The following ITGA8 variants were observed in gnomAD, a reference collection of about 807,000 sequenced individuals.
The protein encoded by ITGA8 is integrin subunit alpha 8, also known as integrin alpha-8.
In ITGA8, 91 loss-of-function variants were observed where a neutral mutation model predicts 142.3. That is an observed-to-expected ratio of 0.64 (90% CI 0.54 to 0.76). The LOEUF (loss-of-function observed/expected upper bound fraction) is 0.76, where lower values mean the gene tolerates loss of function less well. ITGA8 is among the 30% of genes least tolerant of loss of function. The probability of loss-of-function intolerance (pLI) is 0.00; values close to 1 mark genes in which losing one functional copy is unlikely to be tolerated. For synonymous variants in ITGA8, 505 were observed against 485.2 expected, an observed-to-expected ratio of 1.04 and a Z score of -0.54; for missense variants, 1,406 against 1,327.7, an observed-to-expected ratio of 1.06 and a Z score of -0.92.
At chr10:15,535,973 C>G (rs772949602) in intron 27 of ITGA8, among the ~76,000 whole-genome samples, 2 of 151,948 alleles carry the variant, frequency 1.3e-5, no homozygotes, top group Non-Finnish European at 2.9e-5. Context: ...TCCGCGCTGC[C>G]TTAAGAGCTG....
At chr10:15,703,961 C>G (rs1835212261) in intron 2 of ITGA8, among the ~76,000 whole-genome samples, 1 of 152,198 alleles carries the variant, frequency 6.6e-6, no homozygotes, top group Non-Finnish European at 1.5e-5. Context: ...CTGCCAGGCA[C>G]TACTATCTCA....
At chr10:15,683,882 C>G in intron 4 of ITGA8, 122 bp downstream of exon 4, 1 of 1,111,398 alleles carries the variant, frequency 9.0e-7, no homozygotes, top group Non-Finnish European at 1.3e-6. Flanking sequence ...TTTACCTACC[C>G]CCGAAGCTTT....
chr10:15,700,073 G>T (rs1320587982), intron 2 of ITGA8, among the ~76,000 whole-genome samples: 1 of 152,142 alleles, frequency 6.6e-6, no homozygotes, highest in Non-Finnish European at 1.5e-5. Flanking sequence ...AATGTGGCAA[G>T]TATCATCTTC....
At chr10:15,595,859 A>C (rs1332105626) in intron 21 of ITGA8, among the ~76,000 whole-genome samples, 1 of 152,154 alleles carries the variant, frequency 6.6e-6, no homozygotes, top group South Asian at 2.1e-4. Flanking sequence ...TGAGGCCAGG[A>C]GTTCGAGACC....
At chr10:15,611,875 A>ATTATCTAGT (rs1211682391) in intron 15 of ITGA8, among the ~76,000 whole-genome samples, 1 of 152,134 alleles carries the variant, frequency 6.6e-6, no homozygotes, top group East Asian at 1.9e-4. Context: ...CTTAGAATCA[A>ATTATCTAGT]TTATCTAGTT....
chr10:15,607,622 G>T (rs759033345), intron 17 of ITGA8, 55 bp downstream of exon 17: 25 of 1,526,886 alleles, frequency 1.6e-5, no homozygotes, highest in Non-Finnish European at 2.3e-5. Flanking sequence ...GAGAAAAATG[G>T]TTGGAATTTG....
intron 25 of ITGA8, among the ~76,000 whole-genome samples, chr10:15,559,621 G>T (rs931056194): frequency 1.3e-5 from 2 of 152,150 alleles, no homozygotes; most frequent in Admixed American, 1.3e-4. Context: ...AAGTAAGGAA[G>T]GGTGAAGACC....
intron 11 of ITGA8, among the ~76,000 whole-genome samples, chr10:15,649,397 G>A (rs926631987): frequency 3.3e-5 from 5 of 151,966 alleles, no homozygotes; most frequent in African/African-American, 7.2e-5. Flanking sequence ...TTGGGAGGCC[G>A]AGGTGGTCAG....
intron 26 of ITGA8, among the ~76,000 whole-genome samples, chr10:15,553,222 A>C (rs1588640266): frequency 6.6e-6 from 1 of 151,514 alleles, no homozygotes; most frequent in Non-Finnish European, 1.5e-5. Flanking sequence ...GCACCACCGC[A>C]CTCCAGCCTG....
chr10:15,704,648 A>G (rs550258008), intron 2 of ITGA8, among the ~76,000 whole-genome samples: 9 of 152,330 alleles, frequency 5.9e-5, no homozygotes, highest in East Asian at 1.9e-4. Context: ...TATGGCTTCA[A>G]TGTCAACTTC....
At chr10:15,575,260 T>C (rs766899245) in intron 24 of ITGA8, among the ~76,000 whole-genome samples, 1 of 152,134 alleles carries the variant, frequency 6.6e-6, no homozygotes, top group Non-Finnish European at 1.5e-5. Context: ...TGTGGTGGTG[T>C]GTACCTGTAG....
intron 4 of ITGA8, among the ~76,000 whole-genome samples, chr10:15,683,640 A>G (rs1429055019): frequency 1.3e-5 from 2 of 152,240 alleles, no homozygotes; most frequent in Non-Finnish European, 2.9e-5. Flanking sequence ...AGGTCCAACC[A>G]TGCTAGCTAA....
At chr10:15,569,254 G>A (rs1162184886) in intron 25 of ITGA8, among the ~76,000 whole-genome samples, 2 of 152,210 alleles carry the variant, frequency 1.3e-5, no homozygotes, top group African/African-American at 2.4e-5. Flanking sequence ...GCTGGGGAGA[G>A]AGCGCCTCTC....
intron 13 of ITGA8, among the ~76,000 whole-genome samples, chr10:15,622,535 A>G (rs1343526869): frequency 2.6e-5 from 4 of 152,300 alleles, no homozygotes; most frequent in African/African-American, 4.8e-5. Context: ...AAATGTAGAA[A>G]TCACAAAGGA....
In ITGA8 at chr10:15,567,409, A is replaced by G. The variant is rs539289504; in HGVS notation, c.2637+4802T>C. On this transcript the variant is annotated intron_variant, in intron 25 of 29. Coordinates refer to ENST00000378076, the MANE Select transcript of ITGA8 (RefSeq NM_003638.3). Reference sequence around the variant, plus strand: ...AAATTTTATTCCAAGAAGGATCTGGAAAAAAATTAGCTCTAATGGATTGCT... The same window carrying G: ...AAATTTTATTCCAAGAAGGATCTGGGAAAAAATTAGCTCTAATGGATTGCT... Among the ~76,000 whole-genome samples, 9 of 152,294 alleles carry G rather than the reference A, an allele frequency of 5.9e-5. No homozygotes were observed. In the South Asian group the frequency reaches 1.7e-3, roughly 28 times the overall value.
At chr10:15,598,674 A>G (rs997779103) in intron 20 of ITGA8, among the ~76,000 whole-genome samples, 1 of 152,212 alleles carries the variant, frequency 6.6e-6, no homozygotes, top group Admixed American at 6.5e-5. Flanking sequence ...AGAAGGCTAC[A>G]ATGAAACAGA....
In ITGA8 at chr10:15,718,473, C is replaced by T. The variant is rs9333074; in HGVS notation, c.343+293G>A. 9.7e-3 allele frequency among the ~76,000 whole-genome samples: 1,475 copies of T among 152,218 alleles called. 19 individuals carry two copies. The highest frequency in any genetic ancestry group is 0.034 in the African/African-American group (1,408 of 41,524). ...TAGTTTTTGTATTTCTCCAAAACATCCACTCACCCTGAAAATGCTCATCTC... is the reference window on the plus strand; with the variant it reads ...TAGTTTTTGTATTTCTCCAAAACATTCACTCACCCTGAAAATGCTCATCTC... On this transcript the variant is annotated intron_variant, in intron 2 of 29. Transcript: ENST00000378076.
At position 15,517,012 on chromosome 10, in the gene ITGA8, G is replaced by A. The variant is rs1832974326; in HGVS notation, c.*146C>T. 7.2e-6 allele frequency: 4 copies of A among 557,748 alleles called. No homozygotes were observed. The highest frequency in any genetic ancestry group is 6.2e-6 in the Non-Finnish European group (2 of 321,648). 34.5% of individuals were successfully genotyped at this position (557,748 alleles called of 1,614,324 possible). ...CAGGACAATTTCTCCAAAGTGCGGT[G>A]TAGATGAGGTGATGTTTCCAGGGTC... On this transcript the variant is annotated 3_prime_UTR_variant, in exon 30 of 30. Transcript: ENST00000378076.
intron 15 of ITGA8, among the ~76,000 whole-genome samples, chr10:15,608,885 A>T (rs1833245174): frequency 6.6e-6 from 1 of 152,076 alleles, no homozygotes; most frequent in Non-Finnish European, 1.5e-5. Flanking sequence ...GAAGGAGATG[A>T]AATTTGGCAG....
Sources: allele counts gnomAD v4.1 joint callset (sites outside exome capture counted in the v4.1 genomes callset), GRCh38; gene constraint gnomAD v4.1.1; transcripts MANE v1.5; gene names NCBI Gene and HGNC (gene_info 2026-07-23, HGNC 2026-07-21).